The following FOXN2 variants were observed in gnomAD, a reference collection of about 807,000 sequenced individuals.
FOXN2 encodes the protein forkhead box N2.
Under a neutral mutation model 41.2 loss-of-function variants are expected in FOXN2, and 19 were observed. The observed-to-expected ratio is 0.46, with a 90% CI of 0.32 to 0.68. FOXN2 has a LOEUF of 0.68. Among genes scored for constraint, FOXN2 ranks in the 30% least tolerant of loss-of-function variants. The pLI is 0.03. For synonymous variants in FOXN2, 195 were observed against 176.8 expected (o/e 1.10, Z -0.82); for missense variants, 587 against 509.4 (o/e 1.15, Z -1.47).
At chr2:48,345,519 A>G (rs537961530) in intron 2 of FOXN2, among the ~76,000 whole-genome samples, 1 of 152,194 alleles carries the variant, frequency 6.6e-6, no homozygotes, top group South Asian at 2.1e-4. Context: ...AGAGATAGGT[A>G]TATGAGGTGA....
chr2:48,372,450 T>TA (rs1375844005), intron 5 of FOXN2, among the ~76,000 whole-genome samples: 4 of 152,204 alleles, frequency 2.6e-5, no homozygotes, highest in African/African-American at 7.2e-5. Flanking sequence ...ATCTGAGTCT[T>TA]ATTTTAAATG....
intron 5 of FOXN2, among the ~76,000 whole-genome samples, chr2:48,366,919 T>C (rs1672572215): frequency 6.6e-6 from 1 of 152,050 alleles, no homozygotes; most frequent in African/African-American, 2.4e-5. Flanking sequence ...ATCACTTAGG[T>C]ATTATCATTG....
intron 3 of FOXN2, among the ~76,000 whole-genome samples, chr2:48,348,210 C>CTTA (rs1671237415): frequency 6.6e-6 from 1 of 151,962 alleles, no homozygotes; most frequent in Non-Finnish European, 1.5e-5. Flanking sequence ...TGCTATTTGT[C>CTTA]TTACCTCTTG....
intron 2 of FOXN2, among the ~76,000 whole-genome samples, chr2:48,328,908 G>A (rs1669855805): frequency 6.6e-6 from 1 of 152,126 alleles, no homozygotes; most frequent in African/African-American, 2.4e-5. Context: ...GGGTATGTAA[G>A]TGTTATGTTT....
intron 5 of FOXN2, 60 bp downstream of exon 5, chr2:48,362,767 C>A (rs997328954): frequency 1.5e-6 from 2 of 1,336,622 alleles, no homozygotes; most frequent in African/African-American, 2.9e-5. Flanking sequence ...CAACAACAGG[C>A]AGTGCATAAC....
Position 48,378,939 on chromosome 2 carries a change from C to T in FOXN2, c.*3496C>T, listed in dbSNP as rs1256184000. On this transcript the variant is annotated 3_prime_UTR_variant, in exon 7 of 7. Coordinates refer to ENST00000340553, the MANE Select transcript of FOXN2 (RefSeq NM_002158.4). ...TAATTTTAAAGTATTATGTTGCCAT[C>T]ATATAGTGTATAAAAATGTATAATT... 6.6e-6 allele frequency: 1 copy of T among 152,446 alleles called. No individual in the cohort carries two copies. Among genetic ancestry groups the T allele is most frequent in the African/African-American group, 2.4e-5 (1 of 41,380 alleles). The allele number at this position is 152,446 out of a possible 1,614,324, so 9.4% of individuals were successfully genotyped here.
chr2:48,331,213 G>A (rs1005929899), intron 2 of FOXN2, among the ~76,000 whole-genome samples: 3 of 152,104 alleles, frequency 2.0e-5, no homozygotes, highest in African/African-American at 7.2e-5. Context: ...ATTTTGTTTT[G>A]ATCTGAGTCT....
At chr2:48,358,022 A>G (rs1284100514) in intron 3 of FOXN2, among the ~76,000 whole-genome samples, 1 of 152,144 alleles carries the variant, frequency 6.6e-6, no homozygotes, top group Non-Finnish European at 1.5e-5. Context: ...TATTTATATA[A>G]ATTGCCAGCA....
At chr2:48,334,469 A>G (rs1028807885) in intron 2 of FOXN2, among the ~76,000 whole-genome samples, 11 of 144,828 alleles carry the variant, frequency 7.6e-5, no homozygotes, top group Middle Eastern at 3.5e-3. Flanking sequence ...TGTCATCAGA[A>G]ACTAATGTAA....
At chr2:48,346,080 A>G (rs1671078121) in intron 2 of FOXN2, 121 bp from the exon 3 acceptor site, 1 of 759,358 alleles carries the variant, frequency 1.3e-6, no homozygotes, top group South Asian at 1.9e-5. Flanking sequence ...GTGCTTAAAT[A>G]TTATGTGGGA....
At chr2:48,369,157 C>G (rs1672722408) in intron 5 of FOXN2, among the ~76,000 whole-genome samples, 1 of 152,156 alleles carries the variant, frequency 6.6e-6, no homozygotes, top group African/African-American at 2.4e-5. Flanking sequence ...ATGTAGCTTT[C>G]TTATGTTATC....
At chr2:48,353,770 C>G (rs1371329946) in intron 3 of FOXN2, among the ~76,000 whole-genome samples, 2 of 151,890 alleles carry the variant, frequency 1.3e-5, no homozygotes, top group Non-Finnish European at 2.9e-5. Context: ...CCTATCCTTC[C>G]TTCTCTTTGC....
chr2:48,345,547 C>T (rs1014995772), intron 2 of FOXN2, among the ~76,000 whole-genome samples: 6 of 152,052 alleles, frequency 3.9e-5, no homozygotes, highest in African/African-American at 1.2e-4. Flanking sequence ...ATTAATTAGC[C>T]TGATCTAATC....
At chr2:48,313,946 A>G (rs1438040552), upstream of FOXN2, among the ~76,000 whole-genome samples, 4 of 152,216 alleles carry the variant, frequency 2.6e-5, no homozygotes, top group East Asian at 7.7e-4. Flanking sequence ...ATTATTATGG[A>G]TATGACAATG....
intron 3 of FOXN2, among the ~76,000 whole-genome samples, chr2:48,350,359 G>C (rs1049349708): frequency 6.6e-6 from 1 of 152,226 alleles, no homozygotes; most frequent in East Asian, 1.9e-4. Flanking sequence ...ATCATCAGCA[G>C]ATTTGAGCAT....
chr2:48,323,349 A>G (rs771909679), intron 1 of FOXN2, among the ~76,000 whole-genome samples: 1 of 152,158 alleles, frequency 6.6e-6, no homozygotes, highest in Non-Finnish European at 1.5e-5. Flanking sequence ...TTACATTCCC[A>G]CCAACAGTGT....
intron 1 of FOXN2, among the ~76,000 whole-genome samples, chr2:48,316,590 G>A (rs537535892): frequency 1.3e-5 from 2 of 152,218 alleles, no homozygotes; most frequent in Non-Finnish European, 2.9e-5. Context: ...TGAAAAATGT[G>A]AAGTTAATAT....
intron 1 of FOXN2, among the ~76,000 whole-genome samples, chr2:48,317,283 T>A (rs1668980441): frequency 6.6e-6 from 1 of 151,924 alleles, no homozygotes; most frequent in Admixed American, 6.6e-5. Context: ...ACCCCATCTC[T>A]ACCAAAAATA....
intron 2 of FOXN2, among the ~76,000 whole-genome samples, chr2:48,336,114 T>A (rs1348734596): frequency 6.8e-6 from 1 of 147,728 alleles, no homozygotes; most frequent in Non-Finnish European, 1.5e-5. Flanking sequence ...TAAAGGACTT[T>A]TTATTGTTGC....
Sources: allele counts gnomAD v4.1 joint callset (sites outside exome capture counted in the v4.1 genomes callset), GRCh38; gene constraint gnomAD v4.1.1; transcripts MANE v1.5; gene names NCBI Gene and HGNC (gene_info 2026-07-23, HGNC 2026-07-21).